Variants in INPP5K observed in about 807,000 individuals in gnomAD.
INPP5K encodes inositol polyphosphate 5-phosphatase K.
A neutral mutation model predicts 53.5 loss-of-function variants in INPP5K; 35 were observed. The observed-to-expected ratio is 0.65, with a 90% confidence interval of 0.50 to 0.87. The LOEUF (loss-of-function observed/expected upper bound fraction) is 0.87. INPP5K is among the 40% of genes least tolerant of loss of function. INPP5K has a pLI of 0.00. For synonymous variants in INPP5K, 253 were observed against 232.8 expected, an observed-to-expected ratio of 1.09 and a Z score of -0.79; for missense variants, 550 against 586.2, an observed-to-expected ratio of 0.94 and a Z score of 0.64.
intron 1 of INPP5K, among the ~76,000 whole-genome samples, chr17:1,514,718 C>T (rs1477760456): frequency 6.6e-6 from 1 of 151,316 alleles, no homozygotes; most frequent in Non-Finnish European, 1.5e-5. Context: ...CCCTACTTCT[C>T]ACCCCAAGTG....
At chr17:1,501,079 C>A (rs2074999592) in intron 7 of INPP5K, among the ~76,000 whole-genome samples, 1 of 151,922 alleles carries the variant, frequency 6.6e-6, no homozygotes, top group Admixed American at 6.6e-5. Context: ...CTGCCTCAGC[C>A]TCCCAAGTAG....
At chr17:1,505,286 C>T (rs538308642) in intron 7 of INPP5K, among the ~76,000 whole-genome samples, 1 of 152,124 alleles carries the variant, frequency 6.6e-6, no homozygotes, top group African/African-American at 2.4e-5. Flanking sequence ...GCCACTACAC[C>T]CAGCTAATTT....
intron 5 of INPP5K, 78 bp from the exon 6 acceptor site, chr17:1,508,304 T>A: frequency 9.0e-7 from 1 of 1,112,602 alleles, no homozygotes; most frequent in Non-Finnish European, 1.4e-6. Flanking sequence ...CTCAGCCTGC[T>A]CAACCCAAGG....
chr17:1,501,090 C>G (rs948360572), intron 7 of INPP5K, among the ~76,000 whole-genome samples: 1 of 151,884 alleles, frequency 6.6e-6, no homozygotes, highest in Non-Finnish European at 1.5e-5. Flanking sequence ...TCCCAAGTAG[C>G]TGGGATTATA....
chr17:1,500,002 C>T (rs772916349), intron 7 of INPP5K, among the ~76,000 whole-genome samples: 14 of 151,898 alleles, frequency 9.2e-5, no homozygotes, highest in Non-Finnish European at 1.9e-4. Context: ...AGGCTGAGTG[C>T]GGTGGCACAA....
chr17:1,515,028 T>A (rs2075400569), intron 1 of INPP5K, among the ~76,000 whole-genome samples: 1 of 149,238 alleles, frequency 6.7e-6, no homozygotes, highest in Non-Finnish European at 1.5e-5. Flanking sequence ...TGCCTCAACC[T>A]CCCAAGTAGC....
At chr17:1,500,874 A>G (rs375984757) in intron 7 of INPP5K, among the ~76,000 whole-genome samples, 11 of 152,242 alleles carry the variant, frequency 7.2e-5, no homozygotes, top group African/African-American at 2.4e-4. Flanking sequence ...TCGTCCCTCA[A>G]AAATGTCCGT....
At chr17:1,513,364 G>C in intron 3 of INPP5K, 89 bp downstream of exon 3, 1 of 1,011,244 alleles carries the variant, frequency 9.9e-7, no homozygotes, top group Non-Finnish European at 1.6e-6. Flanking sequence ...GGCTGAGCAG[G>C]AGTAAGAGGA....
rs747610926 is a variant in INPP5K at position 1,507,115 on chromosome 17, C to T, written c.667-26G>A. 15 of 1,587,094 alleles carry T rather than the reference C, an allele frequency of 9.5e-6. No individual in the cohort carries two copies. The African/African-American group carries it at 1.3e-4, about 14-fold the overall frequency. On this transcript the variant is annotated intron_variant, in intron 6 of 11. Transcript: ENST00000421807. Reference sequence around the variant, plus strand: ...CTGCAGACAAAGTCATAGTCCCCGTCTCCCAGTAGTCTCGACCCAGTGGCC... The same window carrying T: ...CTGCAGACAAAGTCATAGTCCCCGTTTCCCAGTAGTCTCGACCCAGTGGCC...
chr17:1,502,864 G>A (rs2075059498), intron 7 of INPP5K, among the ~76,000 whole-genome samples: 1 of 151,554 alleles, frequency 6.6e-6, no homozygotes, highest in South Asian at 2.1e-4. Flanking sequence ...GAGGAGCTGG[G>A]ACTTCAGGGG....
At position 1,495,455 on chromosome 17, in the gene INPP5K, G is replaced by A. The variant is rs912785621; in HGVS notation, c.*368C>T. On this transcript the variant is annotated 3_prime_UTR_variant, in exon 12 of 12. Coordinates refer to ENST00000421807, the MANE Select transcript of INPP5K (RefSeq NM_016532.4). ...TCCCAGACAGCCTGAGGCCCAGGAC[G>A]GCACGACAAGAATGCAGGCCTGTGC... 1.2e-5 allele frequency: 3 copies of A among 240,632 alleles called. No homozygotes were observed. The highest frequency in any genetic ancestry group is 5.3e-5 in the Admixed American group (1 of 18,908). 14.9% of individuals were successfully genotyped at this position (240,632 alleles called of 1,614,324 possible).
At chr17:1,502,012 G>T (rs1040130370) in intron 7 of INPP5K, among the ~76,000 whole-genome samples, 1 of 148,688 alleles carries the variant, frequency 6.7e-6, no homozygotes, top group African/African-American at 2.5e-5. Flanking sequence ...TCCAGCCTGG[G>T]CAACAGAGCA....
Position 1,496,351 on chromosome 17 carries a change from T to C in INPP5K, c.1153A>G (p.Ser385Gly), listed in dbSNP as rs1170263446. 3.2e-6 allele frequency: 5 copies of C among 1,563,762 alleles called. No homozygotes were observed. In the African/African-American group the frequency reaches 5.4e-5, roughly 17 times the overall value. Residue 385 changes from serine to glycine, a missense_variant, in exon 10 of 12, where the codon AGC (serine) becomes GGC (glycine). By Grantham distance (56) the Ser-to-Gly change is moderately conservative. Coordinates refer to ENST00000421807, the MANE Select transcript of INPP5K (RefSeq NM_016532.4). ...DYVSYAWVGD[S>G]KVSCSDNLNQ... is the part of the protein sequence containing the mutation. ...AGGTTGTCGCTGCAGGAGACCTTGCTGTCCCCGACCCAGGCATAGGACACG... is the reference window on the plus strand; with the variant it reads ...AGGTTGTCGCTGCAGGAGACCTTGCCGTCCCCGACCCAGGCATAGGACACG...
At position 1,513,177 on chromosome 17, in the gene INPP5K, G is replaced by A. The variant is rs141448090; in HGVS notation, c.261+276C>T. Among the ~76,000 whole-genome samples the A allele has an allele frequency of 5.9e-5, 9 of 152,260 alleles. No homozygotes were observed. In the East Asian group the frequency reaches 1.5e-3, roughly 26 times the overall value. On this transcript the variant is annotated intron_variant, in intron 3 of 11. Coordinates refer to ENST00000421807, the MANE Select transcript of INPP5K (RefSeq NM_016532.4). The stretch of plus-strand genomic sequence containing the variant: ...GGCTGGGGCAGCGGCCAGCACTGAG[G>A]TGATGACAAGCCCTGCTGCACCTCC...
intron 3 of INPP5K, among the ~76,000 whole-genome samples, chr17:1,512,827 T>C (rs1478532072): frequency 1.3e-5 from 2 of 152,180 alleles, no homozygotes; most frequent in Non-Finnish European, 1.5e-5. Context: ...GACCTGAGGA[T>C]ACCCTATGAC....
intron 7 of INPP5K, among the ~76,000 whole-genome samples, chr17:1,502,335 C>A (rs559608952): frequency 2.6e-5 from 4 of 152,114 alleles, no homozygotes; most frequent in African/African-American, 9.7e-5. Context: ...GGCGACAGAG[C>A]GAGACTCCGT....
chr17:1,509,756 G>A lies in INPP5K; in HGVS notation c.305C>T (p.Ala102Val). The A allele has an allele frequency of 6.2e-7, 1 of 1,613,442 alleles. No individual in the cohort carries two copies. Among genetic ancestry groups the A allele is most frequent in the Non-Finnish European group, 8.5e-7 (1 of 1,179,574 alleles). ...GATATAGGGCAAATGCTGATACTTG[G>A]CAAAGACCAGTAAGAGGATCCCCTG... ...RMQGILLLVF[A>V]KYQHLPYIQI... The change falls in exon 4 of 12, where the codon GCC (alanine) becomes GTC (valine). Residue 102 changes from alanine to valine, a missense_variant. Transcript: ENST00000421807.
chr17:1,514,494 C>G (rs973774702), intron 1 of INPP5K, among the ~76,000 whole-genome samples: 10 of 152,166 alleles, frequency 6.6e-5, no homozygotes, highest in Admixed American at 4.6e-4. Flanking sequence ...ATCCCCACCC[C>G]GGACTGGGTC....
At chr17:1,500,958 CTTT>C (rs546504445) in intron 7 of INPP5K, among the ~76,000 whole-genome samples, 31 of 135,248 alleles carry the variant, frequency 2.3e-4, no homozygotes, top group African/African-American at 3.3e-4. Flanking sequence ...TATTCAACTG[CTTT>C]TTTTTTTTTT....
Sources: allele counts gnomAD v4.1 joint callset (sites outside exome capture counted in the v4.1 genomes callset), GRCh38; gene constraint gnomAD v4.1.1; transcripts MANE v1.5; gene names NCBI Gene and HGNC (gene_info 2026-07-23, HGNC 2026-07-21).